Variants in VPS41 observed in about 807,000 individuals in gnomAD.
VPS41 encodes VPS41 subunit of HOPS complex.
Under a neutral mutation model 130.9 loss-of-function variants are expected in VPS41, and 85 were observed. That is an observed-to-expected ratio of 0.65 (90% CI 0.55 to 0.78). The LOEUF is 0.78. VPS41 is among the 30% of genes least tolerant of loss of function. The probability of loss-of-function intolerance (pLI) is 0.00; values close to 1 mark genes in which losing one functional copy is unlikely to be tolerated. For missense variants in VPS41, 874 were observed against 1,018.7 expected (o/e 0.86, Z 1.93); for synonymous variants, 335 against 332.9 (o/e 1.01, Z -0.07).
chr7:38,745,810 T>G, intron 22 of VPS41, 197 bp from the exon 23 acceptor site: 1 of 538,576 alleles, frequency 1.9e-6, no homozygotes, highest in Non-Finnish European at 3.2e-6. Context: ...CTCTACACAA[T>G]TCAATTTAAA....
chr7:38,758,502 G>A, intron 17 of VPS41, 21 bp from the exon 18 acceptor site: 1 of 1,597,346 alleles, frequency 6.3e-7, no homozygotes, highest in Non-Finnish European at 8.5e-7. Context: ...GTGAAAAACA[G>A]AAAAAGAACA....
intron 7 of VPS41, among the ~76,000 whole-genome samples, chr7:38,810,113 T>C (rs1784913913): frequency 6.6e-6 from 1 of 152,026 alleles, no homozygotes; most frequent in East Asian, 1.9e-4. Context: ...TTTTTTTTTT[T>C]CAAGATGGAA....
intron 1 of VPS41, among the ~76,000 whole-genome samples, chr7:38,906,346 G>A (rs953907110): frequency 6.6e-6 from 1 of 150,676 alleles, no homozygotes; most frequent in African/African-American, 2.4e-5. Flanking sequence ...TTTTTTGTTT[G>A]TTTTTCGTTT....
chr7:38,756,671 C>T (rs953202316), intron 19 of VPS41, among the ~76,000 whole-genome samples, 167 bp downstream of exon 19: 2 of 152,160 alleles, frequency 1.3e-5, no homozygotes, highest in Admixed American at 6.5e-5. Context: ...GAATGCCAAA[C>T]AACTAGAATA....
At chr7:38,804,984 A>G (rs1186722982) in intron 7 of VPS41, among the ~76,000 whole-genome samples, 1 of 152,230 alleles carries the variant, frequency 6.6e-6, no homozygotes, top group Non-Finnish European at 1.5e-5. Context: ...GGCTGGGCCC[A>G]AGGTCAAACA....
At position 38,757,084 on chromosome 7, in the gene VPS41, T is replaced by C. The variant is rs1584378050; in HGVS notation, c.1551-102A>G. On this transcript the variant is annotated intron_variant, in intron 18 of 28. Transcript: ENST00000310301. ...AATATTAAAAATGGAAACACTCCTT[T>C]AGAGAGAAAAGTTAACTTTATTTCA... The C allele has an allele frequency of 8.6e-6, 8 of 931,594 alleles. No homozygotes were observed. In the East Asian group the frequency reaches 2.1e-4, roughly 24 times the overall value. 57.7% of individuals were successfully genotyped at this position (931,594 alleles called of 1,614,324 possible).
chr7:38,829,426 G>A (rs2116165362), intron 5 of VPS41, among the ~76,000 whole-genome samples: 1 of 152,268 alleles, frequency 6.6e-6, no homozygotes, highest in Admixed American at 6.5e-5. Context: ...TAGGAAATCT[G>A]CTTTACTCAG....
At position 38,756,930 on chromosome 7, in the gene VPS41, T is replaced by G; in HGVS notation, c.1603A>C (p.Arg535=). Residue 535 remains arginine, a synonymous_variant, in exon 19 of 29, where the codon AGA becomes CGA. Coordinates refer to ENST00000310301, the MANE Select transcript of VPS41 (RefSeq NM_014396.4). ...ATCAACTGAAAAACGTCTTTATGTC[T>G]TAATGTTAAGTATATTTCCAGAGCA... The part of the protein sequence containing the change: ...GNALEIYLTL[R]HKDVFQLIHK... 6.3e-7 allele frequency: 1 copy of G among 1,599,656 alleles called. No individual in the cohort carries two copies. Among genetic ancestry groups the G allele is most frequent in the Non-Finnish European group, 8.6e-7 (1 of 1,167,716 alleles).
chr7:38,830,403 G>T, intron 4 of VPS41, 75 bp from the exon 5 acceptor site: 1 of 888,974 alleles, frequency 1.1e-6, no homozygotes, highest in Non-Finnish European at 1.9e-6. Context: ...TTTGCTCTTT[G>T]TAAAATAGTA....
intron 2 of VPS41, among the ~76,000 whole-genome samples, chr7:38,870,738 T>TAA (rs1786334268): frequency 5.8e-5 from 4 of 68,492 alleles, no homozygotes; most frequent in Non-Finnish European, 9.1e-5. Context: ...GACTATATGT[T>TAA]CAAAAAAAAA....
chr7:38,849,451 G>A (rs1262553327), intron 4 of VPS41, among the ~76,000 whole-genome samples: 1 of 152,212 alleles, frequency 6.6e-6, no homozygotes, highest in Admixed American at 6.5e-5. Flanking sequence ...CCTGGGCTTG[G>A]AGAATTACTG....
At chr7:38,746,256 TAA>T (rs11359151) in intron 22 of VPS41, among the ~76,000 whole-genome samples, 2,937 of 145,696 alleles carry the variant, frequency 0.02, 39 homozygotes, top group African/African-American at 0.033. Flanking sequence ...CCATTAGTCT[TAA>T]AAAAAAAAAA....
intron 25 of VPS41, among the ~76,000 whole-genome samples, chr7:38,730,471 T>C (rs562881777): frequency 2.0e-5 from 3 of 152,352 alleles, no homozygotes; most frequent in African/African-American, 7.2e-5. Context: ...ATTTCTAGTA[T>C]TGATGAACAG....
intron 2 of VPS41, among the ~76,000 whole-genome samples, chr7:38,879,767 G>A (rs1264804345): frequency 2.6e-5 from 4 of 152,230 alleles, no homozygotes; most frequent in South Asian, 2.1e-4. Context: ...GAGGTGGACC[G>A]CAGGCGGTAA....
chr7:38,810,845 A>G (rs1413639864), intron 7 of VPS41, among the ~76,000 whole-genome samples: 1 of 152,174 alleles, frequency 6.6e-6, no homozygotes, highest in African/African-American at 2.4e-5. Flanking sequence ...CTTGATATCT[A>G]TAACATGATT....
At chr7:38,819,806 G>A (rs1785133924) in intron 6 of VPS41, among the ~76,000 whole-genome samples, 1 of 152,030 alleles carries the variant, frequency 6.6e-6, no homozygotes, top group Non-Finnish European at 1.5e-5. Flanking sequence ...GAGTGTTCCA[G>A]AATTTCACCA....
At chr7:38,884,057 T>G (rs1449948432) in intron 2 of VPS41, among the ~76,000 whole-genome samples, 1 of 152,236 alleles carries the variant, frequency 6.6e-6, no homozygotes, top group Non-Finnish European at 1.5e-5. Context: ...TTTTTGTTAT[T>G]AGTTGCCATA....
chr7:38,744,145 G>T (rs926240813), intron 23 of VPS41, among the ~76,000 whole-genome samples: 2 of 152,196 alleles, frequency 1.3e-5, no homozygotes, highest in African/African-American at 2.4e-5. Context: ...CTCATGAGAT[G>T]AAAGTATTTA....
rs1446023183 is a variant in VPS41, at chr7:38,723,651, G to T, written c.*2595C>A. 6.9e-6 allele frequency: 1 copy of T among 144,712 alleles called. No individual in the cohort carries two copies. Among genetic ancestry groups the T allele is most frequent in the Non-Finnish European group, 1.5e-5 (1 of 66,992 alleles). The allele number at this position is 144,712 out of a possible 1,614,324, so 9.0% of individuals were successfully genotyped here. A position where few individuals can be genotyped will look rare whatever the true frequency, so the allele number is the denominator to read the frequency against. ...AGACGGGAGAATCACTTGAACCTGG[G>T]AGGCGGAGGTTGCAGTGAGCCAAGA... On this transcript the variant is annotated 3_prime_UTR_variant, in exon 29 of 29. Coordinates refer to ENST00000310301, the MANE Select transcript of VPS41 (RefSeq NM_014396.4).
Sources: allele counts gnomAD v4.1 joint callset (sites outside exome capture counted in the v4.1 genomes callset), GRCh38; gene constraint gnomAD v4.1.1; transcripts MANE v1.5; gene names NCBI Gene and HGNC (gene_info 2026-07-23, HGNC 2026-07-21).